Variants in PPWD1 observed in about 807,000 individuals in gnomAD.
PPWD1 encodes the protein peptidylprolyl isomerase domain and WD repeat-containing protein 1.
In PPWD1, 43 loss-of-function variants were observed where a neutral mutation model predicts 68.8. The ratio of observed to expected loss-of-function variants is 0.62; its 90% CI spans 0.49 to 0.81. The LOEUF (loss-of-function observed/expected upper bound fraction) is 0.81. Among genes scored for constraint, PPWD1 ranks in the 30% least tolerant of loss-of-function variants. The pLI is 0.00. For missense variants in PPWD1, 672 were observed against 804.8 expected (o/e 0.83, Z 2.00); for synonymous variants, 232 against 258.7 (o/e 0.90, Z 0.99).
At position 65,567,551 on chromosome 5, in the gene PPWD1, AGT is replaced by A; in HGVS notation, c.237_238del (p.Ala80IlefsTer4). On this transcript the variant is annotated frameshift_variant, in exon 2 of 11. Coordinates refer to ENST00000261308, the MANE Select transcript of PPWD1 (RefSeq NM_015342.4). LOFTEE classifies it high-confidence loss of function. ...FERVYLDNLP[S>X]ASMYERSYMH... ...AAGAGTCTATCTTGATAATCTCCCC[AGT>A]GCATCCATGTATGAGCGCAGTTACA... 1 of 1,612,596 alleles carries A rather than the reference AGT, an allele frequency of 6.2e-7. No individual in the cohort carries two copies. The highest frequency in any genetic ancestry group is 8.5e-7 in the Non-Finnish European group (1 of 1,179,038).
rs778752940 is a variant in PPWD1 at position 65,585,053 on chromosome 5, AAATGGTTATTAT to A, written c.1578_1589del (p.Tyr527_Gly530del). 1 of 1,612,554 alleles carries A rather than the reference AAATGGTTATTAT, an allele frequency of 6.2e-7. No homozygotes were observed. Among genetic ancestry groups the A allele is most frequent in the South Asian group, 1.1e-5 (1 of 91,022 alleles). ...TGGAAAACTTCTGTGTTCACAGCAG[AAATGGTTATTAT>A]AATGGGCATACATTTCACCGTATAA... On this transcript the variant is annotated inframe_deletion, in exon 9 of 11. Transcript: ENST00000261308.
At chr5:65,577,267 A>G (rs1753342547) in intron 6 of PPWD1, among the ~76,000 whole-genome samples, 198 bp downstream of exon 6, 1 of 152,148 alleles carries the variant, frequency 6.6e-6, no homozygotes, top group Non-Finnish European at 1.5e-5. Flanking sequence ...GTTTCCACTC[A>G]TGTTTGTAAA....
chr5:65,570,238 C>G (rs778255187), intron 4 of PPWD1: 206 of 928,230 alleles, frequency 2.2e-4, no homozygotes, highest in Non-Finnish European at 2.5e-4. Flanking sequence ...TTCCTTATAT[C>G]CAAATTGACA....
At chr5:65,569,208 G>C (rs2150591934) in intron 2 of PPWD1, among the ~76,000 whole-genome samples, 1 of 151,946 alleles carries the variant, frequency 6.6e-6, no homozygotes, top group South Asian at 2.1e-4. Context: ...CCTTGTATAG[G>C]ATATAAAAAA....
chr5:65,573,475 A>T (rs61548816), intron 5 of PPWD1, among the ~76,000 whole-genome samples: 4,636 of 67,696 alleles, frequency 0.068, 533 homozygotes, highest in African/African-American at 0.27. Flanking sequence ...ATATATATAT[A>T]TTTTTTTTTT....
At chr5:65,577,144 G>T in intron 6 of PPWD1, 75 bp downstream of exon 6, 1 of 1,500,128 alleles carries the variant, frequency 6.7e-7, no homozygotes, top group Non-Finnish European at 8.9e-7. Flanking sequence ...GGGAACAGTG[G>T]GAGTATTGTT....
intron 9 of PPWD1, 42 bp downstream of exon 9, chr5:65,585,137 TATTACATAGC>T: frequency 6.5e-7 from 1 of 1,534,722 alleles, no homozygotes; most frequent in Non-Finnish European, 9.0e-7. Context: ...AATACTGTAT[TATTACATAGC>T]AAGAGATTTA....
chr5:65,585,868 G>A, intron 9 of PPWD1, 131 bp from the exon 10 acceptor site: 1 of 1,388,470 alleles, frequency 7.2e-7, no homozygotes, highest in South Asian at 1.6e-5. Flanking sequence ...AGTGTTAAGG[G>A]TTTAATCAAA....
chr5:65,565,944 A>G (rs2150588827), intron 1 of PPWD1, among the ~76,000 whole-genome samples: 1 of 152,342 alleles, frequency 6.6e-6, no homozygotes, highest in South Asian at 2.1e-4. Context: ...TCAGCTTTCT[A>G]GAAATGGAGT....
intron 6 of PPWD1, 110 bp downstream of exon 6, chr5:65,577,179 C>A: frequency 7.0e-7 from 1 of 1,437,920 alleles, no homozygotes; most frequent in Non-Finnish European, 9.1e-7. Flanking sequence ...TGGAATGGCC[C>A]CAAATGTCTA....
At position 65,569,679 on chromosome 5, in the gene PPWD1, G is replaced by A. The variant is rs1319367640; in HGVS notation, c.347G>A (p.Trp116Ter). Residue 116 changes from tryptophan to a stop codon, truncating the protein, a stop_gained, in exon 3 of 11, where the codon TGG becomes TAG. Coordinates refer to ENST00000261308, the MANE Select transcript of PPWD1 (RefSeq NM_015342.4). LOFTEE classifies it high-confidence loss of function. Reference protein sequence around the residue: ...TASHDGHVKFWKKIEEGIEFV... With the variant: ...TASHDGHVKF ...AGTCATGATGGACATGTCAAGTTCT[G>A]GAAAAAAATAGAAGAGGGAATTGAA... is the stretch of plus-strand genomic sequence containing the variant. 1 of 1,608,136 alleles carries A rather than the reference G, an allele frequency of 6.2e-7. No individual in the cohort carries two copies. The highest frequency in any genetic ancestry group is 8.5e-7 in the Non-Finnish European group (1 of 1,176,176).
chr5:65,586,974 G>A (rs1753877757), intron 10 of PPWD1, among the ~76,000 whole-genome samples: 1 of 152,152 alleles, frequency 6.6e-6, no homozygotes, highest in African/African-American at 2.4e-5. Flanking sequence ...TGTAAGCCAT[G>A]TGAAGTAACT....
intron 8 of PPWD1, among the ~76,000 whole-genome samples, chr5:65,584,113 T>C (rs1753715919): frequency 6.6e-6 from 1 of 152,202 alleles, no homozygotes; most frequent in South Asian, 2.1e-4. Context: ...TTACAACACT[T>C]TTACTTAAAA....
At chr5:65,574,519 A>G (rs1478299642) in intron 5 of PPWD1, among the ~76,000 whole-genome samples, 1 of 124,220 alleles carries the variant, frequency 8.1e-6, no homozygotes, top group East Asian at 2.4e-4. Flanking sequence ...TGCGGACTGT[A>G]GTGGCTCAAT....
intron 5 of PPWD1, among the ~76,000 whole-genome samples, chr5:65,572,702 T>C (rs1389553556): frequency 6.6e-6 from 1 of 152,178 alleles, no homozygotes; most frequent in African/African-American, 2.4e-5. Context: ...TCATAAATGG[T>C]GCCAGTATCC....
At chr5:65,572,364 T>C in intron 5 of PPWD1, 78 bp downstream of exon 5, 1 of 1,342,268 alleles carries the variant, frequency 7.5e-7, no homozygotes, top group Non-Finnish European at 1.0e-6. Flanking sequence ...AAAGATCTTT[T>C]TTCTACAGAT....
chr5:65,575,225 C>G (rs1420512489), intron 5 of PPWD1, among the ~76,000 whole-genome samples: 1 of 152,174 alleles, frequency 6.6e-6, no homozygotes, highest in Non-Finnish European at 1.5e-5. Flanking sequence ...GGACAGATGA[C>G]CACCTACAGA....
intron 5 of PPWD1, among the ~76,000 whole-genome samples, chr5:65,573,469 A>ATG (rs1285404689): frequency 1.9e-5 from 1 of 51,886 alleles, no homozygotes; most frequent in Non-Finnish European, 3.7e-5. Flanking sequence ...ATATATATAT[A>ATG]TATATATTTT....
intron 5 of PPWD1, among the ~76,000 whole-genome samples, chr5:65,573,292 TTTA>T (rs1376177049): frequency 1.3e-5 from 2 of 149,990 alleles, no homozygotes; most frequent in African/African-American, 2.4e-5. Context: ...TTTTTTATTT[TTTA>T]TTATTTATTT....
Sources: gnomAD v4.1 joint callset for allele counts (sites outside exome capture counted in the v4.1 genomes callset) on GRCh38, gnomAD v4.1.1 for gene constraint, MANE v1.5 for transcripts, NCBI Gene and HGNC (gene_info 2026-07-23, HGNC 2026-07-21) for gene names.